The following TMEM182 variants were observed in gnomAD, a reference collection of about 807,000 sequenced individuals.
TMEM182 encodes the protein transmembrane protein 182.
TMEM182 carries 20 observed loss-of-function variants against 26.8 expected under a neutral mutation model. The ratio of observed to expected loss-of-function variants is 0.75; its 90% CI spans 0.53 to 1.09. The LOEUF (loss-of-function observed/expected upper bound fraction) is 1.09. Ranked by LOEUF, TMEM182 falls within the 50% of genes least tolerant of loss-of-function variation. TMEM182 has a pLI of 0.00. For missense variants in TMEM182, 277 were observed against 275.5 expected, an observed-to-expected ratio of 1.01 and a Z score of -0.04; for synonymous variants, 109 against 102.2, an observed-to-expected ratio of 1.07 and a Z score of -0.40.
exon 1 of TMEM182, chr2:102,736,961 G>T (rs1198277355): frequency 7.6e-6 from 7 of 918,626 alleles, no homozygotes; most frequent in Non-Finnish European, 1.1e-5. Context: ...GGCCGGTGCT[G>T]GCTGGGAGTT....
At chr2:102,833,128 G>A (rs1335822748) in intron 3 of TMEM182, among the ~76,000 whole-genome samples, 1 of 152,210 alleles carries the variant, frequency 6.6e-6, no homozygotes, top group Non-Finnish European at 1.5e-5. Flanking sequence ...ATTTCAGGGA[G>A]GAGCTCCCCT....
chr2:102,791,218 G>A (rs1049907783), intron 3 of TMEM182, among the ~76,000 whole-genome samples: 5 of 152,168 alleles, frequency 3.3e-5, no homozygotes, highest in African/African-American at 1.2e-4. Flanking sequence ...TTACAGGCAT[G>A]AGCCACCGTG....
At chr2:102,765,982 G>A (rs1439520152) in intron 3 of TMEM182, among the ~76,000 whole-genome samples, 1 of 152,082 alleles carries the variant, frequency 6.6e-6, no homozygotes, top group African/African-American at 2.4e-5. Flanking sequence ...AAACTCTTTT[G>A]TTTTACAGAC....
At chr2:102,833,619 G>T (rs748224157) in intron 3 of TMEM182, among the ~76,000 whole-genome samples, 5 of 152,172 alleles carry the variant, frequency 3.3e-5, no homozygotes, top group Non-Finnish European at 5.9e-5. Flanking sequence ...GAATCCACTA[G>T]TCTTTCCTCC....
At chr2:102,835,719 T>TTA in intron 3 of TMEM182, among the ~76,000 whole-genome samples, 1 of 152,154 alleles carries the variant, frequency 6.6e-6, no homozygotes, top group South Asian at 2.1e-4. Context: ...TTTTTATACT[T>TTA]TAAGTTTTAG....
At chr2:102,806,486 G>A (rs1030297472) in intron 4 of TMEM182, among the ~76,000 whole-genome samples, 26 of 152,058 alleles carry the variant, frequency 1.7e-4, no homozygotes, top group Non-Finnish European at 3.4e-4. Context: ...TGCATTGGAG[G>A]TCATCATTCC....
At chr2:102,777,809 A>G (rs975756694) in intron 3 of TMEM182, among the ~76,000 whole-genome samples, 1 of 142,590 alleles carries the variant, frequency 7.0e-6, no homozygotes, top group Non-Finnish European at 1.5e-5. Flanking sequence ...TGCACAGACT[A>G]TGACTTCCAG....
chr2:102,835,043 G>T (rs1041921880), intron 3 of TMEM182, among the ~76,000 whole-genome samples: 2 of 152,114 alleles, frequency 1.3e-5, no homozygotes, highest in Non-Finnish European at 2.9e-5. Context: ...AGCAATTGTG[G>T]GGGGCGGGGA....
chr2:102,821,350 T>C (rs541873091), downstream of TMEM182, among the ~76,000 whole-genome samples: 1 of 152,198 alleles, frequency 6.6e-6, no homozygotes, highest in South Asian at 2.1e-4. Context: ...GTCATGAGGG[T>C]GGATCCTTCA....
chr2:102,807,458 A>G (rs557141851), intron 4 of TMEM182, among the ~76,000 whole-genome samples: 2 of 152,380 alleles, frequency 1.3e-5, no homozygotes, highest in African/African-American at 4.8e-5. Flanking sequence ...AAACAATAGC[A>G]TACTAATGTA....
At chr2:102,829,935 A>C (rs1172381777) in intron 3 of TMEM182, among the ~76,000 whole-genome samples, 2 of 152,212 alleles carry the variant, frequency 1.3e-5, no homozygotes, top group East Asian at 3.9e-4. Context: ...ATTTAGGAGC[A>C]GTTTTCCCAC....
intron 3 of TMEM182, among the ~76,000 whole-genome samples, chr2:102,788,795 G>C (rs1356084604): frequency 6.6e-6 from 1 of 152,180 alleles, no homozygotes; most frequent in Non-Finnish European, 1.5e-5. Context: ...AATCGGGCAA[G>C]TTTAAGGGTG....
At chr2:102,739,293 G>C (rs2104624259) in intron 1 of TMEM182, among the ~76,000 whole-genome samples, 1 of 152,234 alleles carries the variant, frequency 6.6e-6, no homozygotes, top group South Asian at 2.1e-4. Context: ...AGCATCCCTG[G>C]GAATGAAATA....
At position 102,737,369 on chromosome 2, in the gene TMEM182, C is replaced by T. The variant is rs112108428; in HGVS notation, c.-83+356C>T. Reference sequence around the variant, plus strand: ...TGAACAAACCATAGATGGTCTATGCCTGAGTTGAGATTACAGTCTCATGGA... The same window carrying T: ...TGAACAAACCATAGATGGTCTATGCTTGAGTTGAGATTACAGTCTCATGGA... On this transcript the variant is annotated intron_variant, in intron 1 of 5. Coordinates refer to the TMEM182 transcript ENST00000409173. Among the ~76,000 whole-genome samples the T allele has an allele frequency of 6.4e-3, 979 of 152,228 alleles. 5 individuals are homozygous for T. The highest frequency in any genetic ancestry group is 0.01 in the Non-Finnish European group (701 of 68,020).
At chr2:102,754,954 C>A (rs890146756) in intron 1 of TMEM182, among the ~76,000 whole-genome samples, 1 of 152,214 alleles carries the variant, frequency 6.6e-6, no homozygotes, top group Admixed American at 6.5e-5. Flanking sequence ...TTTTATTTAA[C>A]TTGTGAAAAC....
chr2:102,815,120 A>G lies in TMEM182; in HGVS notation c.*152A>G, dbSNP rs569075278. 98 of 1,437,468 alleles carry G rather than the reference A, an allele frequency of 6.8e-5. 1 individual carries two copies. In the Admixed American group the frequency reaches 2.8e-3, roughly 41 times the overall value. The allele number at this position is 1,437,468 out of a possible 1,614,324, so 89.0% of individuals were successfully genotyped here. A position where few individuals can be genotyped will look rare whatever the true frequency, so the allele number is the denominator to read the frequency against. On this transcript the variant is annotated 3_prime_UTR_variant, in exon 5 of 5. Coordinates refer to ENST00000412401, the MANE Select transcript of TMEM182 (RefSeq NM_144632.5). ...CATTTTACTAAAATTTTCTTCAGTA[A>G]GAAGGTCCTAGAATCTCTCCAGACA... is the stretch of plus-strand genomic sequence containing the variant.
downstream of TMEM182, among the ~76,000 whole-genome samples, chr2:102,822,037 A>G (rs1441220173): frequency 6.6e-6 from 1 of 152,090 alleles, no homozygotes; most frequent in Non-Finnish European, 1.5e-5. Flanking sequence ...AAGGAGATGG[A>G]TGTCCCTATT....
In TMEM182 at chr2:102,739,695, GC is replaced by G. The variant is rs1679491410; in HGVS notation, c.-83+2683del. 2.0e-5 allele frequency among the ~76,000 whole-genome samples: 3 copies of G among 152,314 alleles called. No homozygotes were observed. In the South Asian group the frequency reaches 6.2e-4, roughly 32 times the overall value. ...TTTCTGAGGCCTGTCCAGAAGCCAAGCAGATGCCTCCATGCTTCCTGTACAG... is the reference window on the plus strand; with the variant it reads ...TTTCTGAGGCCTGTCCAGAAGCCAAGAGATGCCTCCATGCTTCCTGTACAG... On this transcript the variant is annotated intron_variant, in intron 1 of 5. Transcript: ENST00000409173.
intron 1 of TMEM182, among the ~76,000 whole-genome samples, chr2:102,744,701 T>A (rs1679639670): frequency 6.6e-6 from 1 of 152,192 alleles, no homozygotes; most frequent in Non-Finnish European, 1.5e-5. Flanking sequence ...TATTTTTTCC[T>A]TTAGCCCTTA....
Sources: allele counts gnomAD v4.1 joint callset (sites outside exome capture counted in the v4.1 genomes callset), GRCh38; gene constraint gnomAD v4.1.1; transcripts MANE v1.5; gene names NCBI Gene and HGNC (gene_info 2026-07-23, HGNC 2026-07-21).